The following ZDHHC11 variants were observed in gnomAD, a reference collection of about 807,000 sequenced individuals.
The protein encoded by ZDHHC11 is palmitoyltransferase ZDHHC11.
A neutral mutation model predicts 51.3 loss-of-function variants in ZDHHC11; 44 were observed. The ratio of observed to expected loss-of-function variants is 0.86; its 90% CI spans 0.67 to 1.10. The LOEUF is 1.10. ZDHHC11 is among the 50% of genes least tolerant of loss of function. ZDHHC11 has a pLI of 0.00. For synonymous variants in ZDHHC11, 163 were observed against 222.0 expected, an observed-to-expected ratio of 0.73 and a Z score of 2.36; for missense variants, 400 against 537.7, an observed-to-expected ratio of 0.74 and a Z score of 2.53.
chr5:858,625 T>A (rs1044955182), intron 1 of ZDHHC11, among the ~76,000 whole-genome samples: 4 of 152,124 alleles, frequency 2.6e-5, no homozygotes, highest in African/African-American at 9.7e-5. Context: ...CTCGTCCCCC[T>A]CTGGGCCTGC....
chr5:821,897 TGTGGGGAA>T lies in ZDHHC11; in HGVS notation c.1024-10_1024-3del, dbSNP rs760186376. On this transcript the variant is annotated splice_polypyrimidine_tract_variant and splice_region_variant and intron_variant, in intron 8 of 12. Transcript: ENST00000283441. ...TGGACACGGGTCTTCATCCCCTTCC[TGTGGGGAA>T]GTGAAGCAAAATTCATAGAATGAAT... 29 of 1,603,390 alleles carry T rather than the reference TGTGGGGAA, an allele frequency of 1.8e-5. 1 individual carries two copies. The African/African-American group carries it at 3.5e-4, about 19-fold the overall frequency.
intron 11 of ZDHHC11, among the ~76,000 whole-genome samples, chr5:810,432 A>C (rs1739936900): frequency 6.6e-6 from 1 of 151,570 alleles, no homozygotes; most frequent in Admixed American, 6.6e-5. Flanking sequence ...CGGTTTGTCT[A>C]ATATCCACCA....
At chr5:857,927 T>C (rs1291813541) in intron 1 of ZDHHC11, among the ~76,000 whole-genome samples, 2 of 122,730 alleles carry the variant, frequency 1.6e-5, no homozygotes, top group Non-Finnish European at 1.7e-5. Context: ...CAGGTCCCTG[T>C]CCTGTCTTTA....
chr5:828,011 C>A (rs1742523012), intron 7 of ZDHHC11, among the ~76,000 whole-genome samples: 1 of 151,244 alleles, frequency 6.6e-6, no homozygotes, highest in African/African-American at 2.4e-5. Flanking sequence ...ATCCATTTAA[C>A]CCTGAGTGGA....
At chr5:814,114 C>G (rs1190134056) in intron 11 of ZDHHC11, among the ~76,000 whole-genome samples, 1 of 141,824 alleles carries the variant, frequency 7.1e-6, no homozygotes, top group Non-Finnish European at 1.5e-5. Context: ...AAACAGCAAA[C>G]AAGGAGTAAA....
At chr5:852,778 AAGAGACCCCACGGAGGACAGCAAGCAG>A (rs1747442988), upstream of ZDHHC11, among the ~76,000 whole-genome samples, 4 of 59,272 alleles carry the variant, frequency 6.7e-5, no homozygotes, top group East Asian at 2.2e-3. Flanking sequence ...GAGCCGGGGG[AAGAGACCCCACGGAGGACAGCAAGCAG>A]CGGGGACAGA....
At chr5:844,414 A>G (rs1215071917) in intron 3 of ZDHHC11, among the ~76,000 whole-genome samples, 7 of 152,300 alleles carry the variant, frequency 4.6e-5, no homozygotes, top group African/African-American at 1.4e-4. Context: ...CAAGCCTACC[A>G]GCGGAGCATG....
rs200038670 is a variant in ZDHHC11, at chr5:840,529, G to A, written c.750C>T (p.His250=). Residue 250 remains histidine, a synonymous_variant, in exon 5 of 13, where the codon CAC becomes CAT. Coordinates refer to ENST00000283441, the MANE Select transcript of ZDHHC11 (RefSeq NM_024786.3). The stretch of plus-strand genomic sequence containing the variant: ...TGTGGAAGATGAGCAGCTGGCCCAG[G>A]TGCACCAAGCCAAGAAAGTCCAGCA... ...VLLLDFLGLV[H]LGQLLIFHIY... 3 of 1,595,994 alleles carry A rather than the reference G, an allele frequency of 1.9e-6. No homozygotes were observed. The highest frequency in any genetic ancestry group is 2.6e-6 in the Non-Finnish European group (3 of 1,171,824).
intron 8 of ZDHHC11, chr5:824,208 C>T: frequency 2.6e-6 from 1 of 381,808 alleles, no homozygotes; most frequent in Middle Eastern, 3.6e-4. Flanking sequence ...CCTCTAATCC[C>T]TGTGCTATTA....
At chr5:856,491 AAC>A (rs1748265000) in intron 1 of ZDHHC11, among the ~76,000 whole-genome samples, 1 of 150,844 alleles carries the variant, frequency 6.6e-6, no homozygotes, top group Non-Finnish European at 1.5e-5. Flanking sequence ...CACAATCCAC[AAC>A]ACACACCACC....
chr5:850,645 G>T lies in ZDHHC11; in HGVS notation c.-43C>A, dbSNP rs1361372303. 6.3e-7 allele frequency: 1 copy of T among 1,596,658 alleles called. No homozygotes were observed. Among genetic ancestry groups the T allele is most frequent in the Non-Finnish European group, 8.5e-7 (1 of 1,174,958 alleles). On this transcript the variant is annotated 5_prime_UTR_variant, in exon 1 of 13. Transcript: ENST00000283441. Reference sequence around the variant, plus strand: ...GGAGGACCTGCGCCGTCAGATCCTGGGAGGGCCGGCCCCGCCCACTGTCAC... The same window carrying T: ...GGAGGACCTGCGCCGTCAGATCCTGTGAGGGCCGGCCCCGCCCACTGTCAC...
chr5:831,421 A>C (rs1743063759), intron 7 of ZDHHC11, among the ~76,000 whole-genome samples: 1 of 149,250 alleles, frequency 6.7e-6, no homozygotes, highest in African/African-American at 2.5e-5. Flanking sequence ...TGTCTCTACT[A>C]ACGACACAAA....
upstream of ZDHHC11, among the ~76,000 whole-genome samples, chr5:860,229 G>A (rs914784774): frequency 4.6e-5 from 7 of 152,336 alleles, no homozygotes; most frequent in East Asian, 7.7e-4. This position sits in a 1 kb window ranked among gnomAD's most constrained non-coding sequence, Gnocchi z 4.2. Flanking sequence ...GGGCCCCTGC[G>A]GGGCAGCTGC....
intron 1 of ZDHHC11, 168 bp downstream of exon 1, chr5:850,213 G>A (rs2150470317): frequency 5.4e-6 from 4 of 745,572 alleles, no homozygotes; most frequent in East Asian, 2.7e-5. Context: ...GGGCTGCACA[G>A]AGCATGAGTG....
chr5:834,124 T>C (rs1322333016), intron 6 of ZDHHC11, among the ~76,000 whole-genome samples: 2 of 152,426 alleles, frequency 1.3e-5, no homozygotes, highest in South Asian at 4.1e-4. Context: ...AGACTTGCAA[T>C]TTCTCTACAA....
At chr5:813,619 T>A (rs1039130428) in intron 11 of ZDHHC11, among the ~76,000 whole-genome samples, 3 of 149,852 alleles carry the variant, frequency 2.0e-5, no homozygotes, top group African/African-American at 7.5e-5. Flanking sequence ...GGTTTGGCCA[T>A]CTGGCCCCCC....
Position 850,419 on chromosome 5 carries a change from G to A in ZDHHC11, c.184C>T (p.Pro62Ser). 1.2e-6 allele frequency: 2 copies of A among 1,613,666 alleles called. No individual in the cohort carries two copies. The highest frequency in any genetic ancestry group is 2.2e-5 in the East Asian group (1 of 44,884). ...TATTTCCACGCGTGAGGCAGGAAGGGAATGAAGATCCCGAAGGTGGCCGAG... is the reference window on the plus strand; with the variant it reads ...TATTTCCACGCGTGAGGCAGGAAGGAAATGAAGATCCCGAAGGTGGCCGAG... The part of the protein sequence containing the change: ...LSSATFGIFI[P>S]FLPHAWKYIA... Residue 62 changes from proline to serine, a missense_variant, in exon 1 of 13, where the codon CCC becomes TCC. Around this residue, in one of 5 missense-constraint regions of ZDHHC11, gnomAD observed 119 missense variants for 99.6 expected, o/e 1.20. Transcript: ENST00000283441.
chr5:805,136 G>A (rs1180847162), intron 11 of ZDHHC11, among the ~76,000 whole-genome samples: 2 of 151,488 alleles, frequency 1.3e-5, no homozygotes, highest in African/African-American at 4.9e-5. Context: ...CAGTGTTTGT[G>A]TACTATTGAA....
intron 4 of ZDHHC11, chr5:841,669 G>A (rs1744993220): frequency 2.0e-6 from 2 of 991,160 alleles, no homozygotes; most frequent in Non-Finnish European, 2.4e-6. Context: ...GAACAGGAAA[G>A]CCACAGCTCT....
Sources: gnomAD v4.1 joint callset for allele counts (sites outside exome capture counted in the v4.1 genomes callset) on GRCh38, gnomAD v4.1.1 for gene constraint, gnomAD v4.1.1 regional missense constraint, Gnocchi (gnomAD v3.1) non-coding constraint, MANE v1.5 for transcripts, NCBI Gene and HGNC (gene_info 2026-07-23, HGNC 2026-07-21) for gene names.